FER1L6: variants seen among roughly 807,000 people sequenced by gnomAD.
FER1L6 encodes fer-1-like protein 6.
Under a neutral mutation model 219.2 loss-of-function variants are expected in FER1L6, and 177 were observed. The observed-to-expected ratio is 0.81, with a 90% CI of 0.71 to 0.91. FER1L6 has a LOEUF of 0.91. Among genes scored for constraint, FER1L6 ranks in the 40% least tolerant of loss-of-function variants. FER1L6 has a pLI of 0.00. For synonymous variants in FER1L6, 768 were observed against 824.3 expected (o/e 0.93, Z 1.17); for missense variants, 2,153 against 2,259.9 (o/e 0.95, Z 0.96).
chr8:124,006,764 C>T (rs902468159), intron 13 of FER1L6, among the ~76,000 whole-genome samples: 3 of 152,202 alleles, frequency 2.0e-5, no homozygotes, highest in South Asian at 2.1e-4. Context: ...CCTCTTTCCA[C>T]AAACAGCACA....
chr8:123,945,039 A>G (rs1312496276), intron 1 of FER1L6, among the ~76,000 whole-genome samples: 1 of 152,206 alleles, frequency 6.6e-6, no homozygotes. Context: ...TTGGGGATCA[A>G]TGAAGCTTTC....
intron 1 of FER1L6, among the ~76,000 whole-genome samples, chr8:123,923,315 G>A (rs561102271): frequency 6.6e-6 from 1 of 152,336 alleles, no homozygotes; most frequent in African/African-American, 2.4e-5. Context: ...CTTCGTCAAT[G>A]TCACCTGCAG....
At chr8:123,890,744 T>C (rs1197543791) in intron 1 of FER1L6, among the ~76,000 whole-genome samples, 2 of 145,322 alleles carry the variant, frequency 1.4e-5, no homozygotes, top group African/African-American at 2.5e-5. Flanking sequence ...CCCCCAAGCC[T>C]CCAAAACCAT....
chr8:123,882,810 T>A (rs760944692), intron 1 of FER1L6, among the ~76,000 whole-genome samples: 3 of 152,142 alleles, frequency 2.0e-5, no homozygotes, highest in Non-Finnish European at 4.4e-5. Context: ...TGGACAAATG[T>A]CATTATACAT....
intron 12 of FER1L6, among the ~76,000 whole-genome samples, chr8:123,992,329 T>G (rs1816898658): frequency 6.9e-6 from 1 of 145,684 alleles, no homozygotes; most frequent in African/African-American, 2.4e-5. Context: ...CATCTGGCCC[T>G]AGGATTTTTT....
chr8:123,960,530 C>A (rs1277286972), intron 2 of FER1L6, among the ~76,000 whole-genome samples: 2 of 152,184 alleles, frequency 1.3e-5, no homozygotes, highest in African/African-American at 4.8e-5. Flanking sequence ...TAGTGTGTCA[C>A]AAACTACCAC....
At chr8:123,976,373 G>A (rs1028915666) in intron 9 of FER1L6, among the ~76,000 whole-genome samples, 1 of 152,046 alleles carries the variant, frequency 6.6e-6, no homozygotes, top group African/African-American at 2.4e-5. Context: ...GCGTGGGCGT[G>A]GTGGTGCACC....
chr8:124,089,363 C>G (rs1183384955), intron 33 of FER1L6, among the ~76,000 whole-genome samples: 5 of 152,236 alleles, frequency 3.3e-5, no homozygotes, highest in Admixed American at 6.5e-5. Flanking sequence ...TCTCTCCATG[C>G]TACAGGGCCA....
At chr8:124,001,749 C>T (rs1271189624) in intron 12 of FER1L6, among the ~76,000 whole-genome samples, 1 of 152,176 alleles carries the variant, frequency 6.6e-6, no homozygotes, top group African/African-American at 2.4e-5. Flanking sequence ...TGAATCAAGA[C>T]CCTCCCTGTG....
At chr8:123,918,870 A>G (rs1813271936) in intron 1 of FER1L6, among the ~76,000 whole-genome samples, 1 of 152,156 alleles carries the variant, frequency 6.6e-6, no homozygotes, top group African/African-American at 2.4e-5. Context: ...TTTAACAAAC[A>G]TTTAGAGAGT....
intron 13 of FER1L6, among the ~76,000 whole-genome samples, chr8:124,007,467 A>T (rs139983995): frequency 6.6e-6 from 1 of 152,310 alleles, no homozygotes; most frequent in Non-Finnish European, 1.5e-5. Context: ...GTCATTAGGC[A>T]GGGAACTTCT....
chr8:124,021,422 C>A, intron 16 of FER1L6, 128 bp from the exon 17 acceptor site: 2 of 1,282,936 alleles, frequency 1.6e-6, no homozygotes, highest in Non-Finnish European at 2.2e-6. Context: ...CGGTGGCAGA[C>A]CCTGGAACAG....
intron 31 of FER1L6, among the ~76,000 whole-genome samples, chr8:124,074,657 A>C (rs1182524449): frequency 6.6e-6 from 1 of 152,038 alleles, no homozygotes; most frequent in Admixed American, 6.6e-5. Flanking sequence ...GTCTAAAAAA[A>C]AAAAAAAAAG....
chr8:124,119,718 C>T lies in FER1L6; in HGVS notation c.5502C>T (p.Leu1834=), dbSNP rs1189839903. Reference sequence around the variant, plus strand: ...TCATTGCTTTCATTCTCATCATCCTCATCATCTTCCTCGTCCTTTTCATCT... The same window carrying T: ...TCATTGCTTTCATTCTCATCATCCTTATCATCTTCCTCGTCCTTTTCATCT... ...YIIIAFILII[L]IIFLVLFIYT... is the part of the protein sequence containing the mutation. The change falls in exon 41 of 41, where the codon CTC becomes CTT. Residue 1834 remains leucine (L), a synonymous_variant. Transcript: ENST00000522917. The T allele has an allele frequency of 6.2e-7, 1 of 1,613,490 alleles. No homozygotes were observed. The highest frequency in any genetic ancestry group is 8.5e-7 in the Non-Finnish European group (1 of 1,179,626).
At chr8:124,061,294 C>T (rs886437505) in intron 24 of FER1L6, among the ~76,000 whole-genome samples, 1 of 152,034 alleles carries the variant, frequency 6.6e-6, no homozygotes, top group Non-Finnish European at 1.5e-5. Context: ...CGATTTGAAA[C>T]TAATTGCAAA....
At chr8:124,052,463 C>T (rs1474038703) in intron 22 of FER1L6, among the ~76,000 whole-genome samples, 1 of 152,078 alleles carries the variant, frequency 6.6e-6, no homozygotes, top group Non-Finnish European at 1.5e-5. Flanking sequence ...ACCAGTCCCT[C>T]CAAATACAGT....
chr8:124,003,774 T>A (rs565577661), intron 13 of FER1L6, among the ~76,000 whole-genome samples: 2 of 152,070 alleles, frequency 1.3e-5, no homozygotes, highest in South Asian at 2.1e-4. Context: ...GCCAGAAACA[T>A]AATTTTTTAA....
At chr8:124,005,912 C>G (rs534282648) in intron 13 of FER1L6, among the ~76,000 whole-genome samples, 2 of 152,176 alleles carry the variant, frequency 1.3e-5, no homozygotes, top group Non-Finnish European at 2.9e-5. Context: ...GCTGTTTGTC[C>G]TCTTGTTTTT....
chr8:123,929,733 A>AG (rs35123426), intron 1 of FER1L6, among the ~76,000 whole-genome samples: 7 of 152,298 alleles, frequency 4.6e-5, no homozygotes, highest in Non-Finnish European at 8.8e-5. Context: ...CTTTGGCATG[A>AG]GGGGTCAGTA....
Sources: allele counts gnomAD v4.1 joint callset (sites outside exome capture counted in the v4.1 genomes callset), GRCh38; gene constraint gnomAD v4.1.1; transcripts MANE v1.5; gene names NCBI Gene and HGNC (gene_info 2026-07-23, HGNC 2026-07-21).